SUV39H1: variants seen among roughly 807,000 people sequenced by gnomAD.
SUV39H1 encodes the protein SUV39H1 histone lysine methyltransferase, also known as histone-lysine N-methyltransferase SUV39H1.
For synonymous variants in SUV39H1, 141 were observed against 150.5 expected (o/e 0.94, Z 0.46); for missense variants, 180 against 386.3 (o/e 0.47, Z 4.48).
chrX:48,698,128 C>T (rs1013163104), intron 1 of SUV39H1, among the ~76,000 whole-genome samples: 5 of 111,991 alleles, frequency 4.5e-5, no homozygotes, highest in Admixed American at 1.9e-4. Flanking sequence ...CTCATAATTC[C>T]GAAATCTAAA....
chrX:48,700,771 G>A lies in SUV39H1; in HGVS notation c.828+18G>A, dbSNP rs192808924. On this transcript the variant is annotated intron_variant, in intron 3 of 5. Transcript: ENST00000376687. Reference sequence around the variant, plus strand: ...TGGGAGAGGTAGGGAGATGGGACCCGGTGTGTGTGTGCAGCTCTTCCCACC... The same window carrying A: ...TGGGAGAGGTAGGGAGATGGGACCCAGTGTGTGTGTGCAGCTCTTCCCACC... The A allele has an allele frequency of 3.8e-3, 4,526 of 1,199,556 alleles. 7 individuals are homozygous for A. Among genetic ancestry groups the A allele is most frequent in the Non-Finnish European group, 4.9e-3 (4,339 of 889,330 alleles).
chrX:48,705,676 G>GT (rs1246348733), intron 3 of SUV39H1, among the ~76,000 whole-genome samples: 2 of 112,257 alleles, frequency 1.8e-5, no homozygotes, highest in Non-Finnish European at 3.8e-5. Flanking sequence ...TCTGAAGTGT[G>GT]TGGCCTCAGC....
Position 48,707,997 on chromosome X carries a change from C to G in SUV39H1, c.*427C>G, listed in dbSNP as rs2062497290. On this transcript the variant is annotated 3_prime_UTR_variant, in exon 6 of 6. Transcript: ENST00000376687. Reference sequence around the variant, plus strand: ...AAGGTATGGGGAAGCAACCCCAGAGCAGGCAGACATCAGAGGCCAGAGTGC... The same window carrying G: ...AAGGTATGGGGAAGCAACCCCAGAGGAGGCAGACATCAGAGGCCAGAGTGC... The G allele has an allele frequency of 4.1e-6, 1 of 243,875 alleles. No homozygotes were observed. The highest frequency in any genetic ancestry group is 4.1e-5 in the South Asian group (1 of 24,458). The allele number at this position is 243,875 out of a possible 1,213,427, so 20.1% of individuals were successfully genotyped here.
intron 1 of SUV39H1, 71 bp from the exon 2 acceptor site, chrX:48,698,831 T>G: frequency 8.8e-7 from 1 of 1,136,790 alleles, no homozygotes; most frequent in Non-Finnish European, 1.2e-6. Context: ...CAGGGAGGAT[T>G]TGGGGTCCCC....
chrX:48,696,880 G>A, intron 1 of SUV39H1, 77 bp downstream of exon 1: 1 of 848,206 alleles, frequency 1.2e-6, no homozygotes, highest in African/African-American at 2.2e-5. Context: ...CCGGCTCGGG[G>A]CCCCGGCGTC....
chrX:48,696,707 C>A, upstream of SUV39H1: 1 of 1,108,217 alleles, frequency 9.0e-7, no homozygotes, highest in Non-Finnish European at 1.2e-6. Context: ...CAATAGGCTG[C>A]GCGTTCCCGG....
At chrX:48,696,435 G>A (rs1226215985), upstream of SUV39H1, among the ~76,000 whole-genome samples, 4 of 112,210 alleles carry the variant, frequency 3.6e-5, no homozygotes, top group Non-Finnish European at 5.6e-5. Context: ...GGTGATAACA[G>A]GGAGTATGAC....
intron 3 of SUV39H1, among the ~76,000 whole-genome samples, chrX:48,702,144 T>C (rs1557009525): frequency 8.9e-6 from 1 of 112,250 alleles, no homozygotes; most frequent in Non-Finnish European, 1.9e-5. Flanking sequence ...GGAGGAGATG[T>C]CTACATGCCA....
intron 1 of SUV39H1, 68 bp from the exon 2 acceptor site, chrX:48,698,834 G>C: frequency 2.6e-6 from 3 of 1,142,352 alleles, no homozygotes; most frequent in Non-Finnish European, 3.5e-6. Context: ...GGAGGATTTG[G>C]GGTCCCCTTT....
At chrX:48,706,163 G>A (rs1358083301) in intron 3 of SUV39H1, 102 bp from the exon 4 acceptor site, 2 of 1,053,723 alleles carry the variant, frequency 1.9e-6, no homozygotes, top group East Asian at 6.1e-5. Flanking sequence ...GTGTCCACGG[G>A]CAGGGGTGCC....
rs1557009828 is a variant in SUV39H1 at position 48,704,571 on chromosome X, G to T, written c.829-1694G>T. 1.8e-5 allele frequency among the ~76,000 whole-genome samples: 2 copies of T among 111,736 alleles called. 1 individual carries two copies. Among genetic ancestry groups the T allele is most frequent in the Admixed American group, 1.9e-4 (2 of 10,608 alleles). The stretch of plus-strand genomic sequence containing the variant: ...GGAAGACTGTTCTCCAGGAGGTGAA[G>T]GGAGACTGATCTTGACATATTCCAC... On this transcript the variant is annotated intron_variant, in intron 3 of 5. Transcript: ENST00000376687.
upstream of SUV39H1, chrX:48,695,723 C>T: frequency 8.8e-7 from 1 of 1,141,769 alleles, no homozygotes; most frequent in Non-Finnish European, 1.2e-6. Flanking sequence ...GGAGCAAAAT[C>T]GGCATAGCTG....
intron 3 of SUV39H1, among the ~76,000 whole-genome samples, chrX:48,703,580 C>G (rs2062481747): frequency 8.9e-6 from 1 of 112,408 alleles, no homozygotes; most frequent in Admixed American, 9.4e-5. Context: ...CTAAAACATG[C>G]ATTTTCTTCC....
intron 3 of SUV39H1, among the ~76,000 whole-genome samples, chrX:48,702,672 C>A: frequency 9.0e-6 from 1 of 111,002 alleles, no homozygotes; most frequent in East Asian, 2.8e-4. Flanking sequence ...AAGACTACAC[C>A]CCAAGGGCAG....
At chrX:48,699,550 G>A (rs1395232360) in intron 2 of SUV39H1, among the ~76,000 whole-genome samples, 1 of 111,535 alleles carries the variant, frequency 9.0e-6, no homozygotes, top group East Asian at 2.8e-4. Context: ...TTTCCTTGTC[G>A]TAAAAGAGGG....
rs1377281598 is a variant in SUV39H1 at position 48,696,784 on chromosome X, G to A, written c.-1G>A. On this transcript the variant is annotated 5_prime_UTR_variant, in exon 1 of 6. Transcript: ENST00000376687. ...CCGAATGTCGTTAGCCGTGGGGAAA[G>A]ATGGCGGAAAATTTAAAAGGTGAAG... The A allele has an allele frequency of 4.4e-6, 5 of 1,141,030 alleles. No individual in the cohort carries two copies. Among genetic ancestry groups the A allele is most frequent in the Non-Finnish European group, 5.8e-6 (5 of 861,674 alleles). The allele number at this position is 1,141,030 out of a possible 1,213,427, so 94.0% of individuals were successfully genotyped here. A position where few individuals can be genotyped will look rare whatever the true frequency, so the allele number is the denominator to read the frequency against.
chrX:48,699,206 G>T, intron 2 of SUV39H1, 159 bp downstream of exon 2: 1 of 525,706 alleles, frequency 1.9e-6, no homozygotes, highest in Non-Finnish European at 2.8e-6. Flanking sequence ...CTATGTTACA[G>T]ATAGGGAAAC....
chrX:48,695,852 A>C (rs1557008454), upstream of SUV39H1: 1 of 1,155,911 alleles, frequency 8.7e-7, no homozygotes, highest in Non-Finnish European at 1.1e-6. Context: ...GAAATGACAG[A>C]CTGGCTGACC....
upstream of SUV39H1, chrX:48,695,716 G>A: frequency 1.8e-6 from 2 of 1,139,806 alleles, no homozygotes; most frequent in Non-Finnish European, 2.3e-6. Flanking sequence ...CTGGCCAGGA[G>A]CAAAATCGGC....
Sources: allele counts gnomAD v4.1 joint callset (sites outside exome capture counted in the v4.1 genomes callset), GRCh38; gene constraint gnomAD v4.1.1; transcripts MANE v1.5; gene names NCBI Gene and HGNC (gene_info 2026-07-23, HGNC 2026-07-21).